Variants in CAPZB observed in about 807,000 individuals in gnomAD.
The protein encoded by CAPZB is capping actin protein of muscle Z-line subunit beta, also known as F-actin-capping protein subunit beta.
In CAPZB, 2 loss-of-function variants were observed where a neutral mutation model predicts 38.1. The ratio of observed to expected loss-of-function variants is 0.05; its 90% CI spans 0.02 to 0.17. The LOEUF (loss-of-function observed/expected upper bound fraction) is 0.17. Ranked by LOEUF, CAPZB falls within the 10% of genes least tolerant of loss-of-function variation. CAPZB has a pLI of 1.00. For missense variants in CAPZB, 161 were observed against 334.2 expected (o/e 0.48, Z 4.04); for synonymous variants, 107 against 127.4 (o/e 0.84, Z 1.08).
chr1:19,352,717 G>A (rs757223298), intron 6 of CAPZB, among the ~76,000 whole-genome samples: 1 of 152,256 alleles, frequency 6.6e-6, no homozygotes, highest in Admixed American at 6.5e-5. Flanking sequence ...CACTGCTGCG[G>A]GAATTTGCCA....
chr1:19,422,650 T>C (rs2094405838), intron 1 of CAPZB, among the ~76,000 whole-genome samples: 1 of 151,670 alleles, frequency 6.6e-6, no homozygotes, highest in Non-Finnish European at 1.5e-5. Flanking sequence ...GGCAGGAGAA[T>C]GGCATGAACC....
At chr1:19,372,067 C>CACTCTATAA (rs2100391575) in intron 4 of CAPZB, among the ~76,000 whole-genome samples, 2 of 152,332 alleles carry the variant, frequency 1.3e-5, no homozygotes, top group East Asian at 3.9e-4. Context: ...AGCCTTGTTT[C>CACTCTATAA]ACTCTATAAA....
At chr1:19,421,617 G>A (rs927744713) in intron 1 of CAPZB, among the ~76,000 whole-genome samples, 3 of 151,928 alleles carry the variant, frequency 2.0e-5, no homozygotes, top group Admixed American at 2.0e-4. Context: ...GATGGGTTTG[G>A]CCCACTGGCA....
chr1:19,463,356 G>A (rs971782683), intron 1 of CAPZB, among the ~76,000 whole-genome samples: 2 of 152,200 alleles, frequency 1.3e-5, no homozygotes, highest in African/African-American at 2.4e-5. Context: ...CGCTGGCCAA[G>A]CCTCACTTAC....
chr1:19,439,895 C>A (rs2094470171), intron 1 of CAPZB, among the ~76,000 whole-genome samples: 1 of 152,194 alleles, frequency 6.6e-6, no homozygotes. Context: ...TTTGTTTGTG[C>A]TTTTTCTTTT....
chr1:19,378,286 C>A (rs943154026), intron 4 of CAPZB, among the ~76,000 whole-genome samples: 12 of 152,340 alleles, frequency 7.9e-5, no homozygotes, highest in Admixed American at 7.2e-4. Context: ...ATAGTGAAGT[C>A]TGGTAGCATT....
chr1:19,340,334 A>G (rs1439902029), intron 8 of CAPZB, among the ~76,000 whole-genome samples: 1 of 152,224 alleles, frequency 6.6e-6, no homozygotes, highest in Admixed American at 6.5e-5. Flanking sequence ...AGGGCGGCAC[A>G]GGACAGCCAA....
intron 4 of CAPZB, among the ~76,000 whole-genome samples, chr1:19,363,011 T>C (rs1289055058): frequency 6.6e-6 from 1 of 152,226 alleles, no homozygotes; most frequent in African/African-American, 2.4e-5. Flanking sequence ...AAGAGCTAAC[T>C]CTTTCAACTG....
chr1:19,465,582 G>A (rs1379000754), intron 1 of CAPZB, among the ~76,000 whole-genome samples: 1 of 152,156 alleles, frequency 6.6e-6, no homozygotes, highest in Non-Finnish European at 1.5e-5. Flanking sequence ...AACTGCAGAG[G>A]TGACTCTGTG....
intron 4 of CAPZB, among the ~76,000 whole-genome samples, chr1:19,358,964 C>T (rs214300): frequency 1.1e-3 from 162 of 152,308 alleles, no homozygotes; most frequent in Non-Finnish European, 1.8e-3. Flanking sequence ...TGCATGCATG[C>T]GTCCAACAAC....
At chr1:19,451,986 TA>T (rs1454828778) in intron 1 of CAPZB, among the ~76,000 whole-genome samples, 1 of 152,248 alleles carries the variant, frequency 6.6e-6, no homozygotes, top group East Asian at 1.9e-4. Context: ...TCCACCCAAG[TA>T]CCAACCCTCC....
Position 19,356,546 on chromosome 1 carries a change from A to G in CAPZB, c.588+89T>C. Reference sequence around the variant, plus strand: ...AGCTGGCTGAACATGCTTACCCTAAATGGGGCACCTGCTCACTCATCTCTG... The same window carrying G: ...AGCTGGCTGAACATGCTTACCCTAAGTGGGGCACCTGCTCACTCATCTCTG... On this transcript the variant is annotated intron_variant, in intron 6 of 8. Transcript: ENST00000264202. This position sits in a 1 kb window ranked among gnomAD's most constrained non-coding sequence, Gnocchi z 4.3. The G allele has an allele frequency of 1.2e-6, 1 of 846,504 alleles. No homozygotes were observed. The highest frequency in any genetic ancestry group is 1.3e-5 in the South Asian group (1 of 75,446). 52.4% of individuals were successfully genotyped at this position (846,504 alleles called of 1,614,324 possible). A position where few individuals can be genotyped will look rare whatever the true frequency, so the allele number is the denominator to read the frequency against.
chr1:19,446,749 T>C (rs906638205), intron 1 of CAPZB, among the ~76,000 whole-genome samples: 3 of 152,150 alleles, frequency 2.0e-5, no homozygotes, highest in Admixed American at 2.0e-4. Flanking sequence ...AAACTGAATA[T>C]AAAAATTTAC....
intron 2 of CAPZB, among the ~76,000 whole-genome samples, chr1:19,415,664 G>T (rs1048005523): frequency 7.9e-5 from 12 of 152,224 alleles, no homozygotes; most frequent in Admixed American, 2.6e-4. Context: ...GGAGTTCAAA[G>T]CCAGGCCATC....
chr1:19,352,684 G>C (rs542379909), intron 6 of CAPZB, among the ~76,000 whole-genome samples: 92 of 152,392 alleles, frequency 6.0e-4, no homozygotes, highest in Middle Eastern at 6.8e-3. Context: ...CCGGCCTGCG[G>C]CTCACCTTCA....
chr1:19,469,275 C>T (rs529418358), intron 1 of CAPZB, among the ~76,000 whole-genome samples: 3 of 152,296 alleles, frequency 2.0e-5, no homozygotes, highest in Admixed American at 2.0e-4. Context: ...TACAGATGAA[C>T]ATCTTTTACG....
chr1:19,446,379 G>C (rs973268584), intron 1 of CAPZB, among the ~76,000 whole-genome samples: 3 of 152,336 alleles, frequency 2.0e-5, no homozygotes, highest in Admixed American at 1.3e-4. Flanking sequence ...TAATATGACA[G>C]TGAGCCATGT....
chr1:19,406,373 C>T (rs1430689905), intron 2 of CAPZB, among the ~76,000 whole-genome samples: 2 of 152,136 alleles, frequency 1.3e-5, no homozygotes, highest in Admixed American at 6.5e-5. Flanking sequence ...CGGATGCTTC[C>T]GTCTCCATCA....
At chr1:19,415,837 C>T (rs2094376592) in intron 2 of CAPZB, among the ~76,000 whole-genome samples, 2 of 152,246 alleles carry the variant, frequency 1.3e-5, no homozygotes, top group Admixed American at 6.5e-5. Context: ...CCGCGCCTGG[C>T]CAATGCATGT....
Sources: allele counts gnomAD v4.1 joint callset (sites outside exome capture counted in the v4.1 genomes callset), GRCh38; gene constraint gnomAD v4.1.1; non-coding constraint Gnocchi (gnomAD v3.1); transcripts MANE v1.5; gene names NCBI Gene and HGNC (gene_info 2026-07-23, HGNC 2026-07-21).